Variants in NHSL3 observed in about 807,000 individuals in gnomAD.
NHSL3 encodes the protein NHS like 3, also known as NHS-like protein 3.
chr1:32,764,118 C>T, the NHSL3 span, among the ~76,000 whole-genome samples: 7 of 152,158 alleles, frequency 4.6e-5, no homozygotes, highest in African/African-American at 1.7e-4. Context: ...GCCTCGGCCT[C>T]CCATAGTGCT....
the NHSL3 span, among the ~76,000 whole-genome samples, chr1:32,766,686 T>C: frequency 6.6e-6 from 1 of 152,158 alleles, no homozygotes; most frequent in Non-Finnish European, 1.5e-5. Context: ...TTTAAAGGGC[T>C]TGTTTTGTTC....
chr1:32,770,222 C>T, the NHSL3 span: 1 of 1,604,294 alleles, frequency 6.2e-7, no homozygotes, highest in Non-Finnish European at 8.5e-7. This position sits in a 1 kb window ranked among gnomAD's most constrained non-coding sequence, Gnocchi z 8.3. Flanking sequence ...TCCCCCCAGG[C>T]CACCTACCTG....
At chr1:32,754,535 C>G in the NHSL3 span, among the ~76,000 whole-genome samples, 3 of 152,168 alleles carry the variant, frequency 2.0e-5, no homozygotes, top group African/African-American at 7.2e-5. Context: ...GCGGTTTACA[C>G]AGCCACACGA....
the NHSL3 span, chr1:32,742,224 G>T: frequency 5.0e-5 from 62 of 1,240,894 alleles, no homozygotes; most frequent in East Asian, 1.8e-3. Context: ...AGCGCGGGGG[G>T]GCGTCGAGGG....
the NHSL3 span, among the ~76,000 whole-genome samples, chr1:32,754,353 C>A: frequency 6.6e-6 from 1 of 151,608 alleles, no homozygotes; most frequent in Non-Finnish European, 1.5e-5. Context: ...ACGGTAATAC[C>A]TACGGGCGGG....
the NHSL3 span, among the ~76,000 whole-genome samples, chr1:32,745,513 G>C: frequency 7.0e-6 from 1 of 143,840 alleles, no homozygotes; most frequent in Admixed American, 7.3e-5. Context: ...AGGCGAGATT[G>C]CACCACTGTA....
the NHSL3 span, among the ~76,000 whole-genome samples, chr1:32,742,464 G>A: frequency 3.9e-5 from 6 of 152,378 alleles, no homozygotes; most frequent in East Asian, 9.6e-4. Context: ...CCCGACTCCA[G>A]GGCGGTGAGG....
the NHSL3 span, among the ~76,000 whole-genome samples, chr1:32,752,593 C>G: frequency 2.0e-5 from 3 of 152,120 alleles, no homozygotes; most frequent in East Asian, 3.9e-4. Flanking sequence ...TTTCTTCTCT[C>G]TGTTTTTAAT....
the NHSL3 span, chr1:32,770,942 G>C: frequency 6.2e-7 from 1 of 1,611,126 alleles, no homozygotes; most frequent in African/African-American, 1.3e-5. The surrounding 1 kb of genome is among the most constrained non-coding windows in gnomAD (Gnocchi z 8.3). Flanking sequence ...TCGAGCCAAA[G>C]TGGTACTCCC....
the NHSL3 span, chr1:32,767,845 G>A: frequency 6.2e-7 from 1 of 1,614,044 alleles, no homozygotes; most frequent in Non-Finnish European, 8.5e-7. Flanking sequence ...AGGGGCCAGG[G>A]TCTGCAGTGG....
chr1:32,745,749 A>C, the NHSL3 span, among the ~76,000 whole-genome samples: 1 of 152,068 alleles, frequency 6.6e-6, no homozygotes, highest in African/African-American at 2.4e-5. Context: ...TGCGTTGTGA[A>C]CTGTGGAGCA....
chr1:32,770,349 CCG>C, the NHSL3 span: 1 of 1,611,100 alleles, frequency 6.2e-7, no homozygotes, highest in Non-Finnish European at 8.5e-7. The surrounding 1 kb of genome is among the most constrained non-coding windows in gnomAD (Gnocchi z 8.3). Flanking sequence ...CAGCCTCAGT[CCG>C]CTCGCTGGGG....
chr1:32,754,010 C>A, the NHSL3 span: 1 of 461,366 alleles, frequency 2.2e-6, no homozygotes, highest in Non-Finnish European at 3.9e-6. Flanking sequence ...AGTCTCGCTG[C>A]CTCCCTCCCG....
At chr1:32,745,032 A>T in the NHSL3 span, among the ~76,000 whole-genome samples, 2 of 151,996 alleles carry the variant, frequency 1.3e-5, no homozygotes, top group Non-Finnish European at 2.9e-5. Flanking sequence ...AGGCTGAGGC[A>T]AGAGAATTGC....
At chr1:32,753,984 G>C in the NHSL3 span, 1 of 374,882 alleles carries the variant, frequency 2.7e-6, no homozygotes, top group Non-Finnish European at 4.9e-6. Flanking sequence ...GGGGGCGCCC[G>C]CGGTGCCCGC....
At chr1:32,742,318 G>T in the NHSL3 span, 1 of 921,934 alleles carries the variant, frequency 1.1e-6, no homozygotes, top group African/African-American at 1.7e-5. Context: ...GGAAAGCGAA[G>T]AGGCCAGGGC....
At chr1:32,772,612 T>C in the NHSL3 span, among the ~76,000 whole-genome samples, 1 of 151,048 alleles carries the variant, frequency 6.6e-6, no homozygotes, top group Non-Finnish European at 1.5e-5. Flanking sequence ...GGTGTGTGAG[T>C]GTCAGGCCTA....
chr1:32,768,207 C>A, the NHSL3 span: 1 of 930,552 alleles, frequency 1.1e-6, no homozygotes, highest in Non-Finnish European at 1.8e-6. Context: ...GTCTCAGTTT[C>A]TTTATCACAA....
chr1:32,762,524 A>G, the NHSL3 span, among the ~76,000 whole-genome samples: 1 of 150,610 alleles, frequency 6.6e-6, no homozygotes, highest in Non-Finnish European at 1.5e-5. Context: ...GTGCAGTGGT[A>G]CAATTATAGC....
Sources: gnomAD v4.1 joint callset for allele counts (sites outside exome capture counted in the v4.1 genomes callset) on GRCh38, gnomAD v4.1.1 for gene constraint, Gnocchi (gnomAD v3.1) non-coding constraint, MANE v1.5 for transcripts, NCBI Gene and HGNC (gene_info 2026-07-23, HGNC 2026-07-21) for gene names.